The following TMEM196 variants were observed in gnomAD, a reference collection of about 807,000 sequenced individuals.
TMEM196 encodes transmembrane protein 196.
A neutral mutation model predicts 20.0 loss-of-function variants in TMEM196; 17 were observed. That is an observed-to-expected ratio of 0.85 (90% CI 0.58 to 1.27). TMEM196 has a LOEUF of 1.27. Ranked by LOEUF, TMEM196 falls within the 50% of genes most tolerant of loss-of-function variation. The pLI is 0.00. For synonymous variants in TMEM196, 113 were observed against 88.9 expected, an observed-to-expected ratio of 1.27 and a Z score of -1.52; for missense variants, 267 against 223.0, an observed-to-expected ratio of 1.20 and a Z score of -1.26.
intron 1 of TMEM196, among the ~76,000 whole-genome samples, chr7:19,759,694 T>C (rs749258962): frequency 1.1e-4 from 16 of 151,888 alleles, no homozygotes; most frequent in South Asian, 4.2e-4. Flanking sequence ...TTTCTAATTA[T>C]CTACTTCTCA....
chr7:19,746,996 C>A (rs1041674304), intron 1 of TMEM196, among the ~76,000 whole-genome samples: 2 of 152,168 alleles, frequency 1.3e-5, no homozygotes, highest in Non-Finnish European at 2.9e-5. Context: ...TGGCTCACGC[C>A]TGTAATCCCA....
At chr7:19,748,216 T>TTCC (rs1282110410) in intron 1 of TMEM196, among the ~76,000 whole-genome samples, 1 of 141,990 alleles carries the variant, frequency 7.0e-6, no homozygotes, top group Non-Finnish European at 1.5e-5. Context: ...ATATAAAGGT[T>TTCC]TCCTTCATTC....
chr7:19,760,600 A>C (rs1785399366), intron 1 of TMEM196, among the ~76,000 whole-genome samples: 1 of 151,644 alleles, frequency 6.6e-6, no homozygotes, highest in African/African-American at 2.4e-5. Context: ...ACCTCAACCA[A>C]TCTGCCTGTC....
chr7:19,723,357 G>A (rs934637547), intron 4 of TMEM196, among the ~76,000 whole-genome samples: 7 of 151,584 alleles, frequency 4.6e-5, no homozygotes, highest in East Asian at 1.9e-4. Flanking sequence ...ACATAAACCC[G>A]TTAGGTGCCT....
At chr7:19,754,594 A>C (rs924729311) in intron 1 of TMEM196, among the ~76,000 whole-genome samples, 1 of 152,196 alleles carries the variant, frequency 6.6e-6, no homozygotes, top group African/African-American at 2.4e-5. Flanking sequence ...GGTTTTGATG[A>C]AATTCTTTTC....
Position 19,725,634 on chromosome 7 carries a change from A to C in TMEM196, c.339T>G (p.Ile113Met). The change falls in exon 3 of 5, where the codon ATT becomes ATG. Residue 113 changes from isoleucine to methionine, a missense_variant. Coordinates refer to ENST00000405844, the MANE Select transcript of TMEM196 (RefSeq NM_001363562.2). Reference protein sequence around the residue: ...LHLASMSLACIGIGGCTLSSW... With the variant: ...LHLASMSLACMGIGGCTLSSW... The stretch of plus-strand genomic sequence containing the variant: ...AAGAGAGAGTGCAGCCCCCGATCCC[A>C]ATGCACGCGAGAGACATGGAGGCAA... 1.2e-6 allele frequency: 2 copies of C among 1,614,122 alleles called. No individual in the cohort carries two copies. The highest frequency in any genetic ancestry group is 2.2e-5 in the East Asian group (1 of 44,878).
intron 1 of TMEM196, among the ~76,000 whole-genome samples, chr7:19,752,564 G>T (rs757182256): frequency 3.3e-5 from 5 of 151,616 alleles, no homozygotes; most frequent in Non-Finnish European, 5.9e-5. Context: ...CCTTATTAGT[G>T]CCTTATTTTC....
At chr7:19,766,629 C>T (rs1785639320) in intron 1 of TMEM196, among the ~76,000 whole-genome samples, 1 of 151,330 alleles carries the variant, frequency 6.6e-6, no homozygotes, top group African/African-American at 2.4e-5. Flanking sequence ...AAATTTGGAT[C>T]ACTTCACAAG....
intron 1 of TMEM196, among the ~76,000 whole-genome samples, chr7:19,756,412 G>A (rs1302048567): frequency 1.3e-5 from 2 of 151,800 alleles, no homozygotes; most frequent in African/African-American, 4.8e-5. Context: ...CTGCAGGTTT[G>A]TTATATGGGT....
intron 1 of TMEM196, among the ~76,000 whole-genome samples, chr7:19,752,268 A>G (rs1785017770): frequency 6.6e-6 from 1 of 152,212 alleles, no homozygotes; most frequent in Non-Finnish European, 1.5e-5. Context: ...GACTCAAAAC[A>G]TGAATCTCAA....
intron 1 of TMEM196, among the ~76,000 whole-genome samples, chr7:19,736,174 TAGAA>T (rs1784391800): frequency 6.6e-6 from 1 of 151,782 alleles, no homozygotes; most frequent in East Asian, 1.9e-4. Flanking sequence ...TGGAAGCTCT[TAGAA>T]AGGTTATTTC....
At position 19,721,467 on chromosome 7, in the gene TMEM196, C is replaced by T. The variant is rs1396316762; in HGVS notation, c.*661G>A. ...TGATATTCACATATAACTTTTCACTCTTTGTGCAAAAATGCAAAAATACCA... is the reference window on the plus strand; with the variant it reads ...TGATATTCACATATAACTTTTCACTTTTTGTGCAAAAATGCAAAAATACCA... On this transcript the variant is annotated 3_prime_UTR_variant, in exon 5 of 5. Transcript: ENST00000405844. The T allele has an allele frequency of 6.6e-6, 1 of 152,018 alleles. No homozygotes were observed. The highest frequency in any genetic ancestry group is 1.9e-4 in the East Asian group (1 of 5,202). 9.4% of individuals were successfully genotyped at this position (152,018 alleles called of 1,614,324 possible).
rs1783774226 is a variant in TMEM196, at chr7:19,720,385, A to G, written c.*1743T>C. The G allele has an allele frequency of 6.6e-6, 1 of 152,046 alleles. No individual in the cohort carries two copies. Among genetic ancestry groups the G allele is most frequent in the African/African-American group, 2.4e-5 (1 of 41,440 alleles). The allele number at this position is 152,046 out of a possible 1,614,324, so 9.4% of individuals were successfully genotyped here. A position where few individuals can be genotyped will look rare whatever the true frequency, so the allele number is the denominator to read the frequency against. ...CAAATTTTCATTAACTTGAATGATC[A>G]TTACTGTGTTAGCACAATTAAAACT... On this transcript the variant is annotated 3_prime_UTR_variant, in exon 5 of 5. Transcript: ENST00000405844.
At chr7:19,739,941 A>T (rs1784530301) in intron 1 of TMEM196, among the ~76,000 whole-genome samples, 1 of 151,556 alleles carries the variant, frequency 6.6e-6, no homozygotes, top group African/African-American at 2.4e-5. Context: ...AATTATCAAA[A>T]TTATACAGGT....
chr7:19,739,173 G>T (rs1327737948), intron 1 of TMEM196, among the ~76,000 whole-genome samples: 1 of 152,088 alleles, frequency 6.6e-6, no homozygotes, highest in Non-Finnish European at 1.5e-5. Flanking sequence ...AATTGCAAAG[G>T]TGGAAGTGAA....
rs558540685 is a variant in TMEM196, at chr7:19,753,959, T to G, written c.147+18591A>C. On this transcript the variant is annotated intron_variant, in intron 1 of 4. Coordinates refer to ENST00000405844, the MANE Select transcript of TMEM196 (RefSeq NM_001363562.2). ...AAGGCACATCTTTCATGAAGTCATC[T>G]ATGACCCTCTTCACCTTCCTTGTGC... Among the ~76,000 whole-genome samples the G allele has an allele frequency of 3.3e-5, 5 of 152,340 alleles. No individual in the cohort carries two copies. The South Asian group carries it at 8.3e-4, about 25-fold the overall frequency.
chr7:19,751,735 C>A lies in TMEM196; in HGVS notation c.147+20815G>T, dbSNP rs1041533939. On this transcript the variant is annotated intron_variant, in intron 1 of 4. Coordinates refer to ENST00000405844, the MANE Select transcript of TMEM196 (RefSeq NM_001363562.2). ...ATGGGTACAGACCAGTGTCAGAATT[C>A]CTAACAGAATTATAAAGAATATTTT... is the stretch of plus-strand genomic sequence containing the variant. 2.0e-5 allele frequency among the ~76,000 whole-genome samples: 3 copies of A among 152,058 alleles called. No individual in the cohort carries two copies. In the East Asian group the frequency reaches 5.8e-4, roughly 29 times the overall value.
At chr7:19,755,019 A>G (rs1785148570) in intron 1 of TMEM196, among the ~76,000 whole-genome samples, 2 of 152,308 alleles carry the variant, frequency 1.3e-5, no homozygotes, top group South Asian at 4.1e-4. Flanking sequence ...TATGGTCTTA[A>G]AGGGACAATT....
At position 19,726,412 on chromosome 7, in the gene TMEM196, A is replaced by G. The variant is rs1195936274; in HGVS notation, c.205-644T>C. 3.9e-5 allele frequency among the ~76,000 whole-genome samples: 6 copies of G among 152,236 alleles called. No homozygotes were observed. In the East Asian group the frequency reaches 1.2e-3, roughly 29 times the overall value. On this transcript the variant is annotated intron_variant, in intron 2 of 4. Transcript: ENST00000405844. ...TTTTTTTAAAAAAAAGTTCACTCAT[A>G]TTTCATTGTGCATGTATTTCCTAAG...
Sources: gnomAD v4.1 joint callset for allele counts (sites outside exome capture counted in the v4.1 genomes callset) on GRCh38, gnomAD v4.1.1 for gene constraint, MANE v1.5 for transcripts, NCBI Gene and HGNC (gene_info 2026-07-23, HGNC 2026-07-21) for gene names.